CDRT15L2: variants seen among roughly 807,000 people sequenced by gnomAD.
CDRT15L2 encodes CMT1A duplicated region transcript 15 like 2, also known as CMT1A duplicated region transcript 15 protein-like protein.
In CDRT15L2, 13 loss-of-function variants were observed where a neutral mutation model predicts 21.5. That is an observed-to-expected ratio of 0.60 (90% CI 0.39 to 0.96). The LOEUF is 0.96. Among genes scored for constraint, CDRT15L2 ranks in the 40% least tolerant of loss-of-function variants. The probability of loss-of-function intolerance (pLI) is 0.00; values close to 1 mark genes in which losing one functional copy is unlikely to be tolerated. For synonymous variants in CDRT15L2, 121 were observed against 144.9 expected (o/e 0.84, Z 1.18); for missense variants, 292 against 354.8 (o/e 0.82, Z 1.42).
chr17:20,579,735 G>A lies in CDRT15L2; in HGVS notation c.-9G>A. ...AGCTCACTTTGTGGGAGACGCTCAA[G>A]AGAGCAAGATGTTCTCCTGTTGCTT... On this transcript the variant is annotated 5_prime_UTR_variant, in exon 1 of 2. Transcript: ENST00000399044. 1.3e-6 allele frequency: 2 copies of A among 1,589,832 alleles called. No individual in the cohort carries two copies. The highest frequency in any genetic ancestry group is 1.7e-6 in the Non-Finnish European group (2 of 1,169,366).
Position 20,580,544 on chromosome 17 carries a change from C to T in CDRT15L2, c.661C>T (p.Leu221=), listed in dbSNP as rs1340170018. Residue 221 remains leucine, a synonymous_variant, in exon 2 of 2, where the codon CTA becomes TTA. Transcript: ENST00000399044. ...ALLLQGLFIV[L]ILVGYISVKV... The stretch of plus-strand genomic sequence containing the variant: ...GCTGCTGCAGGGCCTGTTTATTGTG[C>T]TAATTCTGGTGGGGTATATCTCTGT... 2 of 1,550,904 alleles carry T rather than the reference C, an allele frequency of 1.3e-6. No homozygotes were observed. Among genetic ancestry groups the T allele is most frequent in the African/African-American group, 1.4e-5 (1 of 73,042 alleles).
chr17:20,580,367 G>T lies in CDRT15L2; in HGVS notation c.484G>T (p.Gly162Trp). The T allele has an allele frequency of 2.0e-6, 3 of 1,487,286 alleles. No homozygotes were observed. Among genetic ancestry groups the T allele is most frequent in the Non-Finnish European group, 2.7e-6 (3 of 1,109,770 alleles). 92.1% of individuals were successfully genotyped at this position (1,487,286 alleles called of 1,614,324 possible). A position where few individuals can be genotyped will look rare whatever the true frequency, so the allele number is the denominator to read the frequency against. The change falls in exon 2 of 2, where the codon GGG becomes TGG. Residue 162 changes from glycine (G) to tryptophan (W), a missense_variant. By Grantham distance (184) the Gly-to-Trp change is radical (BLOSUM62 -2). Coordinates refer to ENST00000399044, the MANE Select transcript of CDRT15L2 (RefSeq NM_001190790.2). ...NVAGERSGREGVTSTAPASRS... is the reference protein window; with the variant it reads ...NVAGERSGREWVTSTAPASRS... ...GGCTGGAGAGAGAAGTGGGAGGGAG[G>T]GGGTGACAAGCACAGCCCCAGCCAG...
rs1457613196 is a variant in CDRT15L2 at position 20,580,208 on chromosome 17, G to A, written c.325G>A (p.Ala109Thr). 4 of 1,472,412 alleles carry A rather than the reference G, an allele frequency of 2.7e-6. No homozygotes were observed. The East Asian group carries it at 9.9e-5, about 36-fold the overall frequency. 91.2% of individuals were successfully genotyped at this position (1,472,412 alleles called of 1,614,324 possible). The change falls in exon 2 of 2, where the codon GCA (alanine) becomes ACA (threonine). Residue 109 changes from alanine to threonine, a missense_variant. Transcript: ENST00000399044. ...GGCACCGGCTGTCGAGCCAAAGCCA[G>A]CATGGGAAGAGCCCCCTCCAGAGAG... ...LAAPAVEPKP[A>T]WEEPPPERAL... is the part of the protein sequence containing the mutation.
chr17:20,579,853 T>C lies in CDRT15L2; in HGVS notation c.110T>C (p.Leu37Pro). ...RRRLIPHPRR[L>P]WPFVRRRTQV... ...AGGCTCATCCCTCACCCCAGACGCC[T>C]GTGGCCCTTTGTAAGAAGGCGCACC... The change falls in exon 1 of 2, where the codon CTG becomes CCG. Residue 37 changes from leucine to proline, a missense_variant. Coordinates refer to ENST00000399044, the MANE Select transcript of CDRT15L2 (RefSeq NM_001190790.2). 1.2e-6 allele frequency: 2 copies of C among 1,612,094 alleles called. No individual in the cohort carries two copies. Among genetic ancestry groups the C allele is most frequent in the African/African-American group, 1.3e-5 (1 of 75,042 alleles).
Position 20,579,781 on chromosome 17 carries a change from G to A in CDRT15L2, c.38G>A (p.Cys13Tyr). 1 of 1,607,978 alleles carries A rather than the reference G, an allele frequency of 6.2e-7. No homozygotes were observed. The highest frequency in any genetic ancestry group is 8.5e-7 in the Non-Finnish European group (1 of 1,178,134). Reference sequence around the variant, plus strand: ...TGCTTCCCCACTTCGAGAGGTTGCTGCTTCAGGAATGGAGGGAGTGAGAGC... The same window carrying A: ...TGCTTCCCCACTTCGAGAGGTTGCTACTTCAGGAATGGAGGGAGTGAGAGC... The part of the protein sequence containing the change: ...SCCFPTSRGC[C>Y]FRNGGSESLF... The change falls in exon 1 of 2, where the codon TGC (cysteine) becomes TAC (tyrosine). Residue 13 changes from cysteine (C) to tyrosine (Y), a missense_variant. Coordinates refer to ENST00000399044, the MANE Select transcript of CDRT15L2 (RefSeq NM_001190790.2).
chr17:20,580,118 C>G, intron 1 of CDRT15L2, 31 bp from the exon 2 acceptor site: 1 of 1,471,900 alleles, frequency 6.8e-7, no homozygotes, highest in Non-Finnish European at 9.0e-7. Context: ...TGGAAAGTGA[C>G]TGATGCTGGT....
At position 20,580,007 on chromosome 17, in the gene CDRT15L2, T is replaced by C; in HGVS notation, c.264T>C (p.His88=). 1 of 1,529,640 alleles carries C rather than the reference T, an allele frequency of 6.5e-7. No individual in the cohort carries two copies. Among genetic ancestry groups the C allele is most frequent in the Non-Finnish European group, 8.8e-7 (1 of 1,138,212 alleles). 94.8% of individuals were successfully genotyped at this position (1,529,640 alleles called of 1,614,324 possible). A position where few individuals can be genotyped will look rare whatever the true frequency, so the allele number is the denominator to read the frequency against. Residue 88 remains histidine, a splice_region_variant and synonymous_variant, in exon 1 of 2, where the codon CAT becomes CAC. Coordinates refer to ENST00000399044, the MANE Select transcript of CDRT15L2 (RefSeq NM_001190790.2). ...GGGAGCCCATGGAGGCACAGACACA[T>C]GGTGAGGTGGCTGCAGCCTGGAAGA... ...EIREPMEAQT[H]APGPYADIAA...
At position 20,580,183 on chromosome 17, in the gene CDRT15L2, G is replaced by C. The variant is rs1266472474; in HGVS notation, c.300G>C (p.Ala100=). The C allele has an allele frequency of 6.8e-7, 1 of 1,476,864 alleles. No homozygotes were observed. Among genetic ancestry groups the C allele is most frequent in the East Asian group, 2.5e-5 (1 of 40,386 alleles). 91.5% of individuals were successfully genotyped at this position (1,476,864 alleles called of 1,614,324 possible). A position where few individuals can be genotyped will look rare whatever the true frequency, so the allele number is the denominator to read the frequency against. ...CGTACGCAGACATAGCAGCACTTGCGGCACCGGCTGTCGAGCCAAAGCCAG... is the reference window on the plus strand; with the variant it reads ...CGTACGCAGACATAGCAGCACTTGCCGCACCGGCTGTCGAGCCAAAGCCAG... ...PGPYADIAAL[A]APAVEPKPAW... is the part of the protein sequence containing the mutation. Residue 100 remains alanine, a synonymous_variant, in exon 2 of 2, where the codon GCG becomes GCC. Coordinates refer to ENST00000399044, the MANE Select transcript of CDRT15L2 (RefSeq NM_001190790.2).
chr17:20,579,926 A>G lies in CDRT15L2; in HGVS notation c.183A>G (p.Thr61=). Residue 61 remains threonine, a synonymous_variant, in exon 1 of 2, where the codon ACA becomes ACG. Coordinates refer to ENST00000399044, the MANE Select transcript of CDRT15L2 (RefSeq NM_001190790.2). Reference sequence around the variant, plus strand: ...GGCAGGCCCTAGCTGGCCAGGCCACACCAGAGATCCCATCGGGGCTGCCTC... The same window carrying G: ...GGCAGGCCCTAGCTGGCCAGGCCACGCCAGAGATCCCATCGGGGCTGCCTC... The part of the protein sequence containing the change: ...SPGQALAGQA[T]PEIPSGLPLH... 6.2e-7 allele frequency: 1 copy of G among 1,601,426 alleles called. No individual in the cohort carries two copies. Among genetic ancestry groups the G allele is most frequent in the Non-Finnish European group, 8.5e-7 (1 of 1,173,680 alleles).
At position 20,580,502 on chromosome 17, in the gene CDRT15L2, G is replaced by T. The variant is rs761533381; in HGVS notation, c.619G>T (p.Ala207Ser). Residue 207 changes from alanine (A) to serine (S), a missense_variant, in exon 2 of 2, where the codon GCC (alanine) becomes TCC (serine). By Grantham distance (99) the Ala-to-Ser change is moderately conservative (BLOSUM62 1). Coordinates refer to ENST00000399044, the MANE Select transcript of CDRT15L2 (RefSeq NM_001190790.2). ...CGCTGGAGAGAGGCTTCTCTCATTC[G>T]CCGGAACCACAGCCCTGCTGCTGCA... is the stretch of plus-strand genomic sequence containing the variant. ...YLAGERLLSF[A>S]GTTALLLQGL... The T allele has an allele frequency of 7.1e-6, 11 of 1,550,580 alleles. No homozygotes were observed. The highest frequency in any genetic ancestry group is 9.6e-6 in the Non-Finnish European group (11 of 1,147,030).
In CDRT15L2 at chr17:20,579,864, G is replaced by T. The variant is rs753311268; in HGVS notation, c.121G>T (p.Val41Leu). 1 of 1,611,736 alleles carries T rather than the reference G, an allele frequency of 6.2e-7. No homozygotes were observed. The highest frequency in any genetic ancestry group is 1.1e-5 in the South Asian group (1 of 90,622). The change falls in exon 1 of 2, where the codon GTA becomes TTA. Residue 41 changes from valine (V) to leucine (L), a missense_variant. Physicochemically the swap from Val to Leu is conservative, Grantham distance 32. Coordinates refer to ENST00000399044, the MANE Select transcript of CDRT15L2 (RefSeq NM_001190790.2). ...TCACCCCAGACGCCTGTGGCCCTTT[G>T]TAAGAAGGCGCACCCAGGTACCACA... ...IPHPRRLWPF[V>L]RRRTQVPQDS... is the part of the protein sequence containing the mutation.
At position 20,580,414 on chromosome 17, in the gene CDRT15L2, T is replaced by C. The variant is rs553046415; in HGVS notation, c.531T>C (p.Ser177=). The change falls in exon 2 of 2, where the codon AGT becomes AGC. Residue 177 remains serine (S), a synonymous_variant. Transcript: ENST00000399044. ...CCAGCAGATCCCATGCTGCCCCTAGTCCTGGGCATGGTGGCAAACATGGAG... is the reference window on the plus strand; with the variant it reads ...CCAGCAGATCCCATGCTGCCCCTAGCCCTGGGCATGGTGGCAAACATGGAG... ...APASRSHAAP[S]PGHGGKHGGG... 24 of 1,540,408 alleles carry C rather than the reference T, an allele frequency of 1.6e-5. No homozygotes were observed. The African/African-American group carries it at 3.3e-4, about 21-fold the overall frequency.
chr17:20,580,085 G>A, intron 1 of CDRT15L2, 64 bp from the exon 2 acceptor site: 1 of 1,474,814 alleles, frequency 6.8e-7, no homozygotes, highest in East Asian at 2.5e-5. Context: ...CAGTGAGGTT[G>A]TCTCTGTGTT....
At position 20,580,578 on chromosome 17, in the gene CDRT15L2, T is replaced by C; in HGVS notation, c.695T>C (p.Met232Thr). Residue 232 changes from methionine (M) to threonine (T), a missense_variant, in exon 2 of 2, where the codon ATG becomes ACG. By Grantham distance (81) the Met-to-Thr change is moderately conservative. Transcript: ENST00000399044. ...GTGGGGTATATCTCTGTGAAGGTGA[T>C]GCTCAAGAGCATTAAAACAAGGCTG... is the stretch of plus-strand genomic sequence containing the variant. The part of the protein sequence containing the change: ...ILVGYISVKV[M>T]LKSIKTRLGR... 1 of 1,551,492 alleles carries C rather than the reference T, an allele frequency of 6.4e-7. No individual in the cohort carries two copies. Among genetic ancestry groups the C allele is most frequent in the Non-Finnish European group, 8.7e-7 (1 of 1,147,042 alleles).
rs1397657458 is a variant in CDRT15L2 at position 20,579,854 on chromosome 17, G to A, written c.111G>A (p.Leu37=). 6.2e-7 allele frequency: 1 copy of A among 1,612,066 alleles called. No individual in the cohort carries two copies. Among genetic ancestry groups the A allele is most frequent in the African/African-American group, 1.3e-5 (1 of 74,914 alleles). The change falls in exon 1 of 2, where the codon CTG becomes CTA. Residue 37 remains leucine, a synonymous_variant. Coordinates refer to ENST00000399044, the MANE Select transcript of CDRT15L2 (RefSeq NM_001190790.2). ...GGCTCATCCCTCACCCCAGACGCCT[G>A]TGGCCCTTTGTAAGAAGGCGCACCC... The part of the protein sequence containing the change: ...RRRLIPHPRR[L]WPFVRRRTQV...
chr17:20,579,813 C>T lies in CDRT15L2; in HGVS notation c.70C>T (p.Arg24Ter), dbSNP rs369969372. ...FRNGGSESLF[R>*]QCRRRLIPHP... is the part of the protein sequence containing the mutation. ...GAATGGAGGGAGTGAGAGCCTTTTC[C>T]GACAATGCCGAAGAAGGCTCATCCC... The change falls in exon 1 of 2, where the codon CGA becomes TGA. Residue 24 changes from arginine to a stop codon, truncating the protein, a stop_gained. Transcript: ENST00000399044. LOFTEE classifies it high-confidence loss of function. 33 of 1,611,220 alleles carry T rather than the reference C, an allele frequency of 2.0e-5. No individual in the cohort carries two copies. The highest frequency in any genetic ancestry group is 5.0e-5 in the Admixed American group (3 of 59,776).
chr17:20,580,829 C>T lies in CDRT15L2; in HGVS notation c.*100C>T. The T allele has an allele frequency of 3.0e-6, 2 of 671,806 alleles. No individual in the cohort carries two copies. Among genetic ancestry groups the T allele is most frequent in the Non-Finnish European group, 5.1e-6 (2 of 391,248 alleles). 41.6% of individuals were successfully genotyped at this position (671,806 alleles called of 1,614,324 possible). A position where few individuals can be genotyped will look rare whatever the true frequency, so the allele number is the denominator to read the frequency against. ...TTGTGCTCCAGGCTCTCCATGCCAC[C>T]ACCTGCCCTAGCATTTATTAATAGT... On this transcript the variant is annotated 3_prime_UTR_variant, in exon 2 of 2. Transcript: ENST00000399044.
In CDRT15L2 at chr17:20,580,562, A is replaced by G; in HGVS notation, c.679A>G (p.Ile227Val). 1.3e-6 allele frequency: 2 copies of G among 1,551,242 alleles called. No homozygotes were observed. Among genetic ancestry groups the G allele is most frequent in the Non-Finnish European group, 1.7e-6 (2 of 1,147,026 alleles). Residue 227 changes from isoleucine to valine, a missense_variant, in exon 2 of 2, where the codon ATC becomes GTC. Ile to Val is a conservative substitution (Grantham distance 29). Coordinates refer to ENST00000399044, the MANE Select transcript of CDRT15L2 (RefSeq NM_001190790.2). ...TATTGTGCTAATTCTGGTGGGGTAT[A>G]TCTCTGTGAAGGTGATGCTCAAGAG... ...LFIVLILVGY[I>V]SVKVMLKSIK...
At position 20,579,728 on chromosome 17, in the gene CDRT15L2, C is replaced by T. The variant is rs768564904; in HGVS notation, c.-16C>T. The stretch of plus-strand genomic sequence containing the variant: ...CGTAACCAGCTCACTTTGTGGGAGA[C>T]GCTCAAGAGAGCAAGATGTTCTCCT... On this transcript the variant is annotated 5_prime_UTR_variant, in exon 1 of 2. The change creates a new upstream start codon in the 5' untranslated region. Coordinates refer to ENST00000399044, the MANE Select transcript of CDRT15L2 (RefSeq NM_001190790.2). 12 of 1,577,224 alleles carry T rather than the reference C, an allele frequency of 7.6e-6. No homozygotes were observed. Among genetic ancestry groups the T allele is most frequent in the Admixed American group, 1.8e-5 (1 of 56,160 alleles).
Sources: gnomAD v4.1 joint callset for allele counts on GRCh38, gnomAD v4.1.1 for gene constraint, MANE v1.5 for transcripts, NCBI Gene and HGNC (gene_info 2026-07-23, HGNC 2026-07-21) for gene names.